Variants in TBCD observed in about 807,000 individuals in gnomAD.
The protein encoded by TBCD is tubulin folding cofactor D, also known as tubulin-specific chaperone D.
In TBCD, 105 loss-of-function variants were observed where a neutral mutation model predicts 169.3. The observed-to-expected ratio is 0.62, with a 90% CI of 0.53 to 0.73. TBCD has a LOEUF of 0.73. TBCD is among the 30% of genes least tolerant of loss of function. TBCD has a pLI of 0.00. For missense variants in TBCD, 1,444 were observed against 1,600.1 expected (o/e 0.90, Z 1.66); for synonymous variants, 700 against 643.9 (o/e 1.09, Z -1.32).
rs1371274865 is a variant in TBCD, at chr17:82,831,532, A to C, written c.1318+16598A>C. ...CGGCAGGTTAGAGGGATATTGCTGG[A>C]AAAACCTGTAGTGATCGTATGTGGC... On this transcript the variant is annotated intron_variant, in intron 13 of 38. Transcript: ENST00000355528. This position sits in a 1 kb window ranked among gnomAD's most constrained non-coding sequence, Gnocchi z 4.6. The C allele has an allele frequency of 6.2e-7, 1 of 1,614,024 alleles. No homozygotes were observed. Among genetic ancestry groups the C allele is most frequent in the Non-Finnish European group, 8.5e-7 (1 of 1,180,028 alleles).
rs1481453833 is a variant in TBCD, at chr17:82,756,326, T to C, written c.235+111T>C. 2.7e-6 allele frequency: 3 copies of C among 1,131,638 alleles called. No individual in the cohort carries two copies. The African/African-American group carries it at 4.7e-5, about 18-fold the overall frequency. The allele number at this position is 1,131,638 out of a possible 1,614,324, so 70.1% of individuals were successfully genotyped here. On this transcript the variant is annotated intron_variant, in intron 2 of 38. Transcript: ENST00000355528. The stretch of plus-strand genomic sequence containing the variant: ...TTTGCCAGGATCAAATGCCAAGAAG[T>C]GTCCCTGTCTTGCTTGCCTGGCTGG...
rs150526083 is a variant in TBCD, at chr17:82,850,934, A to C, written c.1319-19290A>C. 5.9e-3 allele frequency among the ~76,000 whole-genome samples: 902 copies of C among 152,368 alleles called. 19 individuals are homozygous for C. The highest frequency in any genetic ancestry group is 0.021 in the African/African-American group (875 of 41,576). ...TGTAGTGGAGATATAGATATGTATA[A>C]AACGCACATTACATACTGTGTGTGC... On this transcript the variant is annotated intron_variant, in intron 13 of 38. Coordinates refer to ENST00000355528, the MANE Select transcript of TBCD (RefSeq NM_005993.5).
intron 12 of TBCD, among the ~76,000 whole-genome samples, chr17:82,814,173 G>C (rs1007178364): frequency 1.4e-4 from 21 of 152,200 alleles, no homozygotes; most frequent in African/African-American, 4.3e-4. Flanking sequence ...CATTATTGTA[G>C]CATTTAATTC....
chr17:82,853,268 TC>T (rs1164196240), intron 13 of TBCD, among the ~76,000 whole-genome samples: 2 of 152,140 alleles, frequency 1.3e-5, no homozygotes, highest in Admixed American at 6.5e-5. Context: ...TTTTTCTTTT[TC>T]TTTTTTTGTA....
intron 13 of TBCD, among the ~76,000 whole-genome samples, chr17:82,821,390 C>T (rs1002913461): frequency 2.7e-5 from 4 of 149,270 alleles, no homozygotes; most frequent in African/African-American, 9.9e-5. Flanking sequence ...TGCTTCCCAG[C>T]ACTTAACCTT....
At chr17:82,755,776 G>A (rs936512245) in intron 1 of TBCD, among the ~76,000 whole-genome samples, 2 of 152,216 alleles carry the variant, frequency 1.3e-5, no homozygotes, top group South Asian at 4.1e-4. Flanking sequence ...GAGTGTGAGA[G>A]GAGTGCCAGG....
Position 82,927,170 on chromosome 17 carries a change from A to G in TBCD, c.2472-16A>G. 6.2e-7 allele frequency: 1 copy of G among 1,613,950 alleles called. No individual in the cohort carries two copies. On this transcript the variant is annotated splice_polypyrimidine_tract_variant and intron_variant, in intron 28 of 38. Transcript: ENST00000355528. ...CACCGATGTTTGTTTGTTAGCTCAC[A>G]CATTTTAAATTTCAGGATTTGCCAG... is the stretch of plus-strand genomic sequence containing the variant.
intron 10 of TBCD, 67 bp from the exon 11 acceptor site, chr17:82,807,541 A>T: frequency 2.3e-6 from 3 of 1,307,504 alleles, no homozygotes; most frequent in Non-Finnish European, 2.0e-6. Context: ...AGGATGGGTC[A>T]CCTTACAGCT....
Position 82,939,436 on chromosome 17 carries a change from G to C in TBCD, c.3439G>C (p.Val1147Leu). ...LTYSDVVGAD[V>L]LDEVVTVLSD... ...CTACAGTGACGTCGTGGGCGCGGAT[G>C]TGCTGGACGAGGTGGTGACTGTGCT... The change falls in exon 37 of 39, where the codon GTG becomes CTG. Residue 1147 changes from valine (V) to leucine (L), a missense_variant. By Grantham distance (32) the Val-to-Leu change is conservative (BLOSUM62 1). Coordinates refer to ENST00000355528, the MANE Select transcript of TBCD (RefSeq NM_005993.5). 6.2e-7 allele frequency: 1 copy of C among 1,613,692 alleles called. No homozygotes were observed. The highest frequency in any genetic ancestry group is 8.5e-7 in the Non-Finnish European group (1 of 1,179,844).
chr17:82,830,011 GTTTGTTTT>G, intron 13 of TBCD: 36 of 1,417,008 alleles, frequency 2.5e-5, no homozygotes, highest in South Asian at 1.5e-4. Flanking sequence ...TTGTTTGTTT[GTTTGTTTT>G]TTTGAGAAGC....
intron 13 of TBCD, among the ~76,000 whole-genome samples, chr17:82,841,233 C>T (rs1417246127): frequency 6.6e-6 from 1 of 151,904 alleles, no homozygotes; most frequent in South Asian, 2.1e-4. Flanking sequence ...TGAGCCACTG[C>T]ACCCGGTCTG....
chr17:82,832,830 C>G lies in TBCD; in HGVS notation c.1318+17896C>G, dbSNP rs1299575954. On this transcript the variant is annotated intron_variant, in intron 13 of 38. Transcript: ENST00000355528. The surrounding 1 kb of genome is among the most constrained non-coding windows in gnomAD (Gnocchi z 4.9). ...CCCTTGGTAACCTGGCTGCTGACTC[C>G]CCACCGTGTTTTCTGTTTTCTGAGT... Among the ~76,000 whole-genome samples the G allele has an allele frequency of 2.6e-5, 4 of 152,202 alleles. No individual in the cohort carries two copies. The highest frequency in any genetic ancestry group is 9.6e-5 in the African/African-American group (4 of 41,454).
At chr17:82,812,692 C>T (rs1392188885) in intron 12 of TBCD, among the ~76,000 whole-genome samples, 1 of 152,212 alleles carries the variant, frequency 6.6e-6, no homozygotes, top group African/African-American at 2.4e-5. Context: ...TACAGGCGTG[C>T]ACCACCACGC....
chr17:82,908,575 C>G (rs2060406301), intron 21 of TBCD: 3 of 315,686 alleles, frequency 9.5e-6, no homozygotes, highest in Non-Finnish European at 1.8e-5. Context: ...CCTATTTTTG[C>G]CATTAACTTT....
In TBCD at chr17:82,890,429, G is replaced by A. The variant is rs1241952636; in HGVS notation, c.1563+732G>A. Among the ~76,000 whole-genome samples, 3 of 152,210 alleles carry A rather than the reference G, an allele frequency of 2.0e-5. No homozygotes were observed. Among genetic ancestry groups the A allele is most frequent in the African/African-American group, 4.8e-5 (2 of 41,470 alleles). ...CCGGGGTCTGGGCTGTGGCCAGGTG[G>A]TGTGGGGCGGCATGGGGTGGACGTG... is the stretch of plus-strand genomic sequence containing the variant. On this transcript the variant is annotated intron_variant, in intron 16 of 38. Transcript: ENST00000355528. This position sits in a 1 kb window ranked among gnomAD's most constrained non-coding sequence, Gnocchi z 5.3.
rs543870072 is a variant in TBCD at position 82,819,606 on chromosome 17, C to G, written c.1318+4672C>G. Among the ~76,000 whole-genome samples, 3 of 151,920 alleles carry G rather than the reference C, an allele frequency of 2.0e-5. No individual in the cohort carries two copies. The East Asian group carries it at 5.8e-4, about 29-fold the overall frequency. ...GTTGAGGTGGGAGAATTGCTTGAGT[C>G]CAGGAGGTTGAGGCTGCAGTGAGCC... On this transcript the variant is annotated intron_variant, in intron 13 of 38. Coordinates refer to ENST00000355528, the MANE Select transcript of TBCD (RefSeq NM_005993.5).
At chr17:82,876,139 G>T (rs558044253) in intron 14 of TBCD, among the ~76,000 whole-genome samples, 1 of 152,298 alleles carries the variant, frequency 6.6e-6, no homozygotes, top group African/African-American at 2.4e-5. Flanking sequence ...GGTGAGGTCT[G>T]CACTTTGCTG....
chr17:82,812,755 C>T (rs528295045), intron 12 of TBCD, among the ~76,000 whole-genome samples: 3 of 152,130 alleles, frequency 2.0e-5, no homozygotes, highest in African/African-American at 4.8e-5. Flanking sequence ...GTTGGCCAGT[C>T]GGGTCTCTGT....
intron 7 of TBCD, among the ~76,000 whole-genome samples, chr17:82,784,547 A>G (rs1412290031): frequency 6.6e-6 from 1 of 152,118 alleles, no homozygotes; most frequent in African/African-American, 2.4e-5. Flanking sequence ...TGTGCGTTTT[A>G]TGTTTTAGGC....
Sources: gnomAD v4.1 joint callset for allele counts (sites outside exome capture counted in the v4.1 genomes callset) on GRCh38, gnomAD v4.1.1 for gene constraint, Gnocchi (gnomAD v3.1) non-coding constraint, MANE v1.5 for transcripts, NCBI Gene and HGNC (gene_info 2026-07-23, HGNC 2026-07-21) for gene names.